PHLDB2: variants seen among roughly 807,000 people sequenced by gnomAD.
PHLDB2 encodes pleckstrin homology like domain family B member 2, also known as pleckstrin homology-like domain family B member 2.
Under a neutral mutation model 123.6 loss-of-function variants are expected in PHLDB2, and 71 were observed. The observed-to-expected ratio is 0.57, with a 90% confidence interval of 0.47 to 0.70. PHLDB2 has a LOEUF of 0.70. PHLDB2 is among the 30% of genes least tolerant of loss of function. The probability of loss-of-function intolerance (pLI) is 0.00; values close to 1 mark genes in which losing one functional copy is unlikely to be tolerated. For synonymous variants in PHLDB2, 547 were observed against 541.6 expected (o/e 1.01, Z -0.14); for missense variants, 1,446 against 1,519.5 (o/e 0.95, Z 0.80).
At chr3:111,778,779 T>A (rs1035657009) in intron 1 of PHLDB2, among the ~76,000 whole-genome samples, 3 of 151,994 alleles carry the variant, frequency 2.0e-5, no homozygotes, top group African/African-American at 7.2e-5. Context: ...CAGTGAAATG[T>A]GAATCCCTAA....
intron 6 of PHLDB2, among the ~76,000 whole-genome samples, chr3:111,935,587 A>G (rs1175073438): frequency 6.6e-6 from 1 of 152,138 alleles, no homozygotes; most frequent in Non-Finnish European, 1.5e-5. Context: ...ACAAGGTCCC[A>G]CAACAGGCTG....
upstream of PHLDB2, among the ~76,000 whole-genome samples, chr3:111,858,857 G>C (rs1023448347): frequency 6.6e-6 from 1 of 152,146 alleles, no homozygotes; most frequent in African/African-American, 2.4e-5. Flanking sequence ...TCACATTCCC[G>C]CGTGCCGAGA....
intron 1 of PHLDB2, among the ~76,000 whole-genome samples, chr3:111,867,839 C>T (rs1233022770): frequency 6.6e-6 from 1 of 151,768 alleles, no homozygotes; most frequent in African/African-American, 2.4e-5. Context: ...GTAGCTGGGA[C>T]TGCAGGCTTG....
chr3:111,838,909 C>T (rs2063540488), intron 1 of PHLDB2, among the ~76,000 whole-genome samples: 1 of 152,060 alleles, frequency 6.6e-6, no homozygotes, highest in African/African-American at 2.4e-5. Flanking sequence ...TTCTTGTGAA[C>T]ATTCTATCTA....
chr3:111,892,302 G>C (rs1346136649), intron 2 of PHLDB2, among the ~76,000 whole-genome samples: 1 of 152,148 alleles, frequency 6.6e-6, no homozygotes, highest in African/African-American at 2.4e-5. Context: ...AAGGTGTTTT[G>C]TCCTTATAGT....
chr3:111,838,893 A>G (rs1293556179), intron 1 of PHLDB2, among the ~76,000 whole-genome samples: 7 of 152,074 alleles, frequency 4.6e-5, no homozygotes, highest in Non-Finnish European at 5.9e-5. Context: ...AAATAAGACA[A>G]TTTTTTTCTT....
intron 1 of PHLDB2, among the ~76,000 whole-genome samples, chr3:111,882,550 G>A (rs1222345015): frequency 6.6e-6 from 1 of 152,134 alleles, no homozygotes; most frequent in Non-Finnish European, 1.5e-5. Context: ...ATATAATGAA[G>A]AAACTTCATT....
In PHLDB2 at chr3:111,921,318, T is replaced by C. The variant is rs868765809; in HGVS notation, c.2001+899T>C. Among the ~76,000 whole-genome samples, 4 of 152,318 alleles carry C rather than the reference T, an allele frequency of 2.6e-5. No homozygotes were observed. The Middle Eastern group carries it at 0.01, about 389-fold the overall frequency. On this transcript the variant is annotated intron_variant, in intron 5 of 17. Transcript: ENST00000431670. ...ACACATTCTTCCTTACTCAACATGTTCTCCACTAAGCTGAGAAAAAGAAAA... is the reference window on the plus strand; with the variant it reads ...ACACATTCTTCCTTACTCAACATGTCCTCCACTAAGCTGAGAAAAAGAAAA...
At chr3:111,866,739 C>T (rs1482067688) in intron 1 of PHLDB2, among the ~76,000 whole-genome samples, 1 of 152,142 alleles carries the variant, frequency 6.6e-6, no homozygotes. Context: ...TTCCCTGTAG[C>T]ACTCCTGTGA....
chr3:111,908,539 G>T (rs1408763777), intron 2 of PHLDB2, among the ~76,000 whole-genome samples: 3 of 152,200 alleles, frequency 2.0e-5, no homozygotes, highest in African/African-American at 7.2e-5. Flanking sequence ...GAGCCACTCT[G>T]CCATGTTAGA....
At chr3:111,925,912 C>T (rs1030122336) in intron 5 of PHLDB2, among the ~76,000 whole-genome samples, 7 of 152,278 alleles carry the variant, frequency 4.6e-5, no homozygotes, top group Admixed American at 2.6e-4. Context: ...TTCTTTTTAG[C>T]GCACAAAAAT....
At chr3:111,967,185 C>T (rs2071833991) in intron 14 of PHLDB2, among the ~76,000 whole-genome samples, 1 of 152,194 alleles carries the variant, frequency 6.6e-6, no homozygotes, top group Non-Finnish European at 1.5e-5. Context: ...CCTTTGCATC[C>T]TGCCCTGAAG....
intron 5 of PHLDB2, among the ~76,000 whole-genome samples, chr3:111,930,022 C>T (rs1411580905): frequency 1.3e-5 from 2 of 150,928 alleles, no homozygotes; most frequent in African/African-American, 4.9e-5. Flanking sequence ...CGCCATTCTC[C>T]TACCTCAGCC....
chr3:111,794,889 A>G (rs1407649706), intron 1 of PHLDB2, among the ~76,000 whole-genome samples: 1 of 152,192 alleles, frequency 6.6e-6, no homozygotes, highest in Non-Finnish European at 1.5e-5. Context: ...GAGGGGTGGA[A>G]CCATCTGGAA....
chr3:111,873,202 C>G (rs1426284487), intron 1 of PHLDB2, among the ~76,000 whole-genome samples: 1 of 152,180 alleles, frequency 6.6e-6, no homozygotes, highest in African/African-American at 2.4e-5. Flanking sequence ...TCAGCCAACA[C>G]TACTTTGGAA....
chr3:111,736,529 G>C (rs1019666331), intron 1 of PHLDB2, among the ~76,000 whole-genome samples: 3 of 152,128 alleles, frequency 2.0e-5, no homozygotes, highest in African/African-American at 7.2e-5. Context: ...CTTAGATCTT[G>C]GGACTCCAAA....
rs375295876 is a variant in PHLDB2, at chr3:111,962,182, A to C, written c.2947A>C (p.Asn983His). The part of the protein sequence containing the change: ...EFYNRTASES[N>H]VYLNSFHYPD... ...TTATAACCGCACAGCATCTGAATCA[A>C]ATGTCTACTTGAATAGTTTCCATTA... Residue 983 changes from asparagine to histidine, a missense_variant, in exon 13 of 18, where the codon AAT becomes CAT. Physicochemically the swap from Asn to His is moderately conservative, Grantham distance 68. Transcript: ENST00000431670. 3.2e-6 allele frequency: 5 copies of C among 1,584,002 alleles called. No homozygotes were observed. The African/African-American group carries it at 6.9e-5, about 22-fold the overall frequency.
At position 111,952,364 on chromosome 3, in the gene PHLDB2, T is replaced by A. The variant is rs142958012; in HGVS notation, c.2632-208T>A. On this transcript the variant is annotated intron_variant, in intron 10 of 17. Coordinates refer to ENST00000431670, the MANE Select transcript of PHLDB2 (RefSeq NM_001134438.2). ...TGAAAGGTGGAATTTTTTAAAGATT[T>A]CTAGGTTCAGCATAAATTCCTACAG... Among the ~76,000 whole-genome samples, 195 of 152,338 alleles carry A rather than the reference T, an allele frequency of 1.3e-3. 1 individual carries two copies. Among genetic ancestry groups the A allele is most frequent in the African/African-American group, 4.5e-3 (185 of 41,572 alleles).
At chr3:111,967,975 CAAAAA>C (rs58918022) in intron 15 of PHLDB2, 151 bp downstream of exon 15, 64 of 67,788 alleles carry the variant, frequency 9.4e-4, no homozygotes, top group East Asian at 2.5e-3. Context: ...CATTCCTGTG[CAAAAA>C]AAAAAAAAAA....
Sources: allele counts gnomAD v4.1 joint callset (sites outside exome capture counted in the v4.1 genomes callset), GRCh38; gene constraint gnomAD v4.1.1; transcripts MANE v1.5; gene names NCBI Gene and HGNC (gene_info 2026-07-23, HGNC 2026-07-21).